The following KIAA0319L variants were observed in gnomAD, a reference collection of about 807,000 sequenced individuals.
KIAA0319L encodes the protein KIAA0319 like, also known as dyslexia-associated protein KIAA0319-like protein.
In KIAA0319L, 55 loss-of-function variants were observed where a neutral mutation model predicts 120.1. The ratio of observed to expected loss-of-function variants is 0.46; its 90% CI spans 0.37 to 0.57. The LOEUF (loss-of-function observed/expected upper bound fraction) is 0.57, where lower values mean the gene tolerates loss of function less well. Ranked by LOEUF, KIAA0319L falls within the 20% of genes least tolerant of loss-of-function variation. The pLI is 0.00. For synonymous variants in KIAA0319L, 398 were observed against 471.9 expected (o/e 0.84, Z 2.03); for missense variants, 1,049 against 1,255.3 (o/e 0.84, Z 2.48).
chr1:35,526,105 A>G (rs1470962875), intron 2 of KIAA0319L, among the ~76,000 whole-genome samples: 1 of 151,656 alleles, frequency 6.6e-6, no homozygotes, highest in Non-Finnish European at 1.5e-5. Context: ...CCTTTCCCCA[A>G]TGTGTGTCCT....
At chr1:35,473,021 T>C (rs1403595703) in intron 5 of KIAA0319L, among the ~76,000 whole-genome samples, 1 of 149,652 alleles carries the variant, frequency 6.7e-6, no homozygotes, top group Non-Finnish European at 1.5e-5. Flanking sequence ...CCTCAGGTGA[T>C]CTGCCCGCCT....
At chr1:35,501,666 C>T (rs936512998) in intron 3 of KIAA0319L, among the ~76,000 whole-genome samples, 15 of 151,902 alleles carry the variant, frequency 9.9e-5, no homozygotes, top group Admixed American at 6.6e-5. Context: ...CACCTGAGGT[C>T]AGGAGTTTGA....
At chr1:35,484,802 A>ATT (rs1335474741) in intron 3 of KIAA0319L, among the ~76,000 whole-genome samples, 11 of 14,104 alleles carry the variant, frequency 7.8e-4, no homozygotes, top group Admixed American at 1.9e-3. Context: ...ATATATATAT[A>ATT]TATATTTTTT....
chr1:35,467,478 G>A (rs904335188), intron 6 of KIAA0319L, among the ~76,000 whole-genome samples: 3 of 151,952 alleles, frequency 2.0e-5, no homozygotes, highest in East Asian at 1.9e-4. Context: ...CAGCTCATTC[G>A]TTTAACAAAC....
chr1:35,456,204 T>C lies in KIAA0319L; in HGVS notation c.1465A>G (p.Thr489Ala). 6.2e-7 allele frequency: 1 copy of C among 1,606,824 alleles called. No homozygotes were observed. Among genetic ancestry groups the C allele is most frequent in the Non-Finnish European group, 8.5e-7 (1 of 1,175,882 alleles). ...TTGTTCACTGTCAGGTTTGCAGTAG[T>C]AGAGTTGGTAGCTCCATCAGAGTCT... ...VVDSDGATNS[T>A]TANLTVNKAV... The change falls in exon 10 of 21, where the codon ACT becomes GCT. Residue 489 changes from threonine (T) to alanine (A), a missense_variant. Transcript: ENST00000325722.
intron 3 of KIAA0319L, among the ~76,000 whole-genome samples, chr1:35,490,567 TG>T (rs1339257924): frequency 1.3e-5 from 2 of 152,128 alleles, no homozygotes; most frequent in Non-Finnish European, 2.9e-5. Context: ...ATAACAGAGA[TG>T]ACAGAACTGG....
rs1270256249 is a variant in KIAA0319L at position 35,433,717 on chromosome 1, G to A, written c.*1177C>T. 1.3e-5 allele frequency: 2 copies of A among 152,360 alleles called. No homozygotes were observed. Among genetic ancestry groups the A allele is most frequent in the African/African-American group, 2.4e-5 (1 of 41,458 alleles). 9.4% of individuals were successfully genotyped at this position (152,360 alleles called of 1,614,324 possible). On this transcript the variant is annotated 3_prime_UTR_variant, in exon 21 of 21. Coordinates refer to ENST00000325722, the MANE Select transcript of KIAA0319L (RefSeq NM_024874.5). ...CCTTGTGAGCAGCCAAGAGCCCAAT[G>A]AGTTGATGCATACGCGCTCACTCTA...
intron 3 of KIAA0319L, among the ~76,000 whole-genome samples, chr1:35,498,891 A>C (rs1432800050): frequency 1.3e-5 from 2 of 152,250 alleles, no homozygotes; most frequent in Admixed American, 1.3e-4. Flanking sequence ...ACTGTCATTA[A>C]TAAAAATCCT....
intron 3 of KIAA0319L, among the ~76,000 whole-genome samples, chr1:35,486,653 C>G (rs1227986945): frequency 6.8e-6 from 1 of 147,528 alleles, no homozygotes; most frequent in African/African-American, 2.6e-5. Context: ...GTAATCCTAG[C>G]ATACTGGGAG....
intron 4 of KIAA0319L, among the ~76,000 whole-genome samples, chr1:35,475,956 C>T (rs1203140): frequency 0.1 from 15,670 of 152,230 alleles, 1,887 homozygotes; most frequent in African/African-American, 0.28. Flanking sequence ...TTTCTTTCAA[C>T]TGCGGTGTTT....
chr1:35,471,882 C>G (rs909874779), intron 5 of KIAA0319L, among the ~76,000 whole-genome samples: 3 of 152,112 alleles, frequency 2.0e-5, no homozygotes, highest in African/African-American at 7.2e-5. Context: ...ATTTTATAAT[C>G]CTGGGAGACA....
intron 5 of KIAA0319L, among the ~76,000 whole-genome samples, chr1:35,473,689 T>C (rs898615040): frequency 7.2e-5 from 11 of 152,296 alleles, no homozygotes; most frequent in South Asian, 2.1e-4. Context: ...AGCAGAAATA[T>C]AGAACAGACA....
rs1486921278 is a variant in KIAA0319L at position 35,554,459 on chromosome 1, A to G, written c.33T>C (p.Pro11=). The change falls in exon 2 of 21, where the codon CCT becomes CCC. Residue 11 remains proline, a synonymous_variant. Transcript: ENST00000325722. MEKRLGVKPN[P]ASWILSGYYW... The stretch of plus-strand genomic sequence containing the variant: ...AATATCCTGATAAAATCCAGGAAGC[A>G]GGATTTGGCTTGACTCCCAGCCTCT... 6.2e-7 allele frequency: 1 copy of G among 1,613,120 alleles called. No individual in the cohort carries two copies. Among genetic ancestry groups the G allele is most frequent in the Non-Finnish European group, 8.5e-7 (1 of 1,179,770 alleles).
chr1:35,444,937 T>C (rs1641507702), intron 16 of KIAA0319L, among the ~76,000 whole-genome samples: 1 of 152,252 alleles, frequency 6.6e-6, no homozygotes, highest in East Asian at 1.9e-4. Context: ...ATAGGCCACA[T>C]GTGAACTCAC....
chr1:35,445,785 T>G (rs1359238438), intron 16 of KIAA0319L, among the ~76,000 whole-genome samples: 2 of 152,196 alleles, frequency 1.3e-5, no homozygotes, highest in African/African-American at 4.8e-5. Context: ...TCCAATCACA[T>G]GTTCTTCCTG....
At chr1:35,490,653 TAAA>T (rs999092311) in intron 3 of KIAA0319L, among the ~76,000 whole-genome samples, 1 of 152,124 alleles carries the variant, frequency 6.6e-6, no homozygotes, top group African/African-American at 2.4e-5. Flanking sequence ...TTATAAGACA[TAAA>T]AAAGACCTCA....
At position 35,447,893 on chromosome 1, in the gene KIAA0319L, A is replaced by C. The variant is rs538964766; in HGVS notation, c.2513+280T>G. 3.2e-4 allele frequency among the ~76,000 whole-genome samples: 49 copies of C among 152,276 alleles called. 1 individual carries two copies. In the South Asian group the frequency reaches 9.7e-3, roughly 30 times the overall value. On this transcript the variant is annotated intron_variant, in intron 16 of 20. Coordinates refer to ENST00000325722, the MANE Select transcript of KIAA0319L (RefSeq NM_024874.5). ...TTCCACAATGCCGCTTGTTGTACCA[A>C]ACCCACACCGTACTAATGTTCCATA...
chr1:35,435,064 GGCCTTTCTGTTTGAT>G lies in KIAA0319L; in HGVS notation c.2965_2979del (p.Ile989_Gly993del), dbSNP rs1367574613. ...TGCATCAGGCTGCTACTTAGCAAAA[GGCCTTTCTGTTTGAT>G]GCCTGCAGGGAAAACAAGGAATCCA... On this transcript the variant is annotated inframe_deletion and splice_region_variant, in exon 21 of 21. Transcript: ENST00000325722. 1 of 1,614,076 alleles carries G rather than the reference GGCCTTTCTGTTTGAT, an allele frequency of 6.2e-7. No individual in the cohort carries two copies. The highest frequency in any genetic ancestry group is 1.1e-5 in the South Asian group (1 of 91,086).
chr1:35,450,927 C>T (rs1451071894), intron 13 of KIAA0319L, among the ~76,000 whole-genome samples: 1 of 152,204 alleles, frequency 6.6e-6, no homozygotes. Flanking sequence ...CTCTGAATAT[C>T]TTTTTGGACC....
Sources: gnomAD v4.1 joint callset for allele counts (sites outside exome capture counted in the v4.1 genomes callset) on GRCh38, gnomAD v4.1.1 for gene constraint, MANE v1.5 for transcripts, NCBI Gene and HGNC (gene_info 2026-07-23, HGNC 2026-07-21) for gene names.